Variants in CAMTA1 observed in about 807,000 individuals in gnomAD.
CAMTA1 encodes calmodulin-binding transcription activator 1.
Under a neutral mutation model 170.9 loss-of-function variants are expected in CAMTA1, and 27 were observed. The ratio of observed to expected loss-of-function variants is 0.16; its 90% confidence interval spans 0.12 to 0.22. The LOEUF (loss-of-function observed/expected upper bound fraction) is 0.22, where lower values mean the gene tolerates loss of function less well. Among genes scored for constraint, CAMTA1 ranks in the 10% least tolerant of loss-of-function variants. The pLI is 1.00. For missense variants in CAMTA1, 1,619 were observed against 2,217.2 expected, an observed-to-expected ratio of 0.73 and a Z score of 5.42; for synonymous variants, 833 against 891.5, an observed-to-expected ratio of 0.93 and a Z score of 1.17.
At chr1:7,335,773 A>C (rs372945813) in intron 5 of CAMTA1, among the ~76,000 whole-genome samples, 6 of 25,274 alleles carry the variant, frequency 2.4e-4, no homozygotes, top group Admixed American at 1.4e-3. Flanking sequence ...AGATAACGTT[A>C]AAAAAAAAAA....
intron 3 of CAMTA1, among the ~76,000 whole-genome samples, chr1:6,942,106 C>T (rs192994514): frequency 6.7e-6 from 1 of 149,640 alleles, no homozygotes; most frequent in Non-Finnish European, 1.5e-5. Context: ...TCTCATTTTA[C>T]AAATGGTTTT....
At chr1:7,047,806 G>C (rs541551400) in intron 3 of CAMTA1, among the ~76,000 whole-genome samples, 2 of 151,858 alleles carry the variant, frequency 1.3e-5, no homozygotes, top group East Asian at 3.9e-4. Flanking sequence ...GGTGATGGTG[G>C]TGGAGCGTCA....
chr1:6,855,192 C>CA (rs1661836112), intron 3 of CAMTA1, among the ~76,000 whole-genome samples: 1 of 151,986 alleles, frequency 6.6e-6, no homozygotes, highest in Non-Finnish European at 1.5e-5. Flanking sequence ...TATATGCCAA[C>CA]AACAAACACA....
chr1:6,952,066 T>G (rs1459218584), intron 3 of CAMTA1, among the ~76,000 whole-genome samples: 1 of 152,184 alleles, frequency 6.6e-6, no homozygotes, highest in Non-Finnish European at 1.5e-5. Context: ...CCACTGTGCC[T>G]TCTGTCAATG....
At chr1:7,310,700 C>CTCTCTCTCTCTTTCTTTCTT (rs1361709842) in intron 5 of CAMTA1, among the ~76,000 whole-genome samples, 6 of 53,486 alleles carry the variant, frequency 1.1e-4, no homozygotes, top group Non-Finnish European at 1.3e-4. Context: ...CTCTCTCTCT[C>CTCTCTCTCTCTTTCTTTCTT]TCTTTCTTTC....
At chr1:7,026,152 C>T (rs1015995082) in intron 3 of CAMTA1, among the ~76,000 whole-genome samples, 1 of 151,712 alleles carries the variant, frequency 6.6e-6, no homozygotes, top group African/African-American at 2.4e-5. Flanking sequence ...AAGATTTGGC[C>T]AAGAGCAGGA....
intron 4 of CAMTA1, among the ~76,000 whole-genome samples, chr1:7,184,156 C>T (rs1410254945): frequency 6.6e-6 from 1 of 152,062 alleles, no homozygotes; most frequent in African/African-American, 2.4e-5. Context: ...CATGTTCTTG[C>T]TTATTCATGG....
At chr1:7,349,187 GA>G (rs2084456890) in intron 5 of CAMTA1, among the ~76,000 whole-genome samples, 1 of 152,200 alleles carries the variant, frequency 6.6e-6, no homozygotes, top group African/African-American at 2.4e-5. Flanking sequence ...ATAATTAGAT[GA>G]AGCATCATTT....
intron 4 of CAMTA1, among the ~76,000 whole-genome samples, chr1:7,228,538 T>C (rs1370365159): frequency 6.6e-6 from 1 of 152,158 alleles, no homozygotes; most frequent in East Asian, 1.9e-4. Context: ...GGAGATACTT[T>C]TGGAGACTCT....
intron 3 of CAMTA1, among the ~76,000 whole-genome samples, chr1:7,088,309 C>T (rs1324303080): frequency 1.3e-5 from 2 of 151,984 alleles, no homozygotes; most frequent in Non-Finnish European, 1.5e-5. Context: ...CTTACATCAG[C>T]GTGATTTCCT....
At chr1:7,385,929 T>C (rs1014411171) in intron 5 of CAMTA1, among the ~76,000 whole-genome samples, 4 of 152,204 alleles carry the variant, frequency 2.6e-5, no homozygotes, top group Non-Finnish European at 5.9e-5. Flanking sequence ...CCTCACTCAC[T>C]CGCTCCTTCT....
chr1:7,641,844 C>A lies in CAMTA1; in HGVS notation c.664+1291C>A, dbSNP rs1023143051. 6.6e-6 allele frequency among the ~76,000 whole-genome samples: 1 copy of A among 152,114 alleles called. No individual in the cohort carries two copies. Among genetic ancestry groups the A allele is most frequent in the African/African-American group, 2.4e-5 (1 of 41,400 alleles). The stretch of plus-strand genomic sequence containing the variant: ...GAGCTCAGACCACACCCAGTGGCAA[C>A]CTTCTTAACTGCAGCCCTGACCACA... On this transcript the variant is annotated intron_variant, in intron 7 of 22. Transcript: ENST00000303635. This position sits in a 1 kb window ranked among gnomAD's most constrained non-coding sequence, Gnocchi z 4.5.
intron 6 of CAMTA1, among the ~76,000 whole-genome samples, chr1:7,598,992 T>C (rs2095421117): frequency 1.3e-5 from 2 of 152,208 alleles, no homozygotes; most frequent in Admixed American, 6.5e-5. Context: ...GCTTTTGGTG[T>C]TTTAGACATG....
chr1:7,569,702 T>A (rs1234507927), intron 6 of CAMTA1, among the ~76,000 whole-genome samples: 1 of 151,432 alleles, frequency 6.6e-6, no homozygotes, highest in Non-Finnish European at 1.5e-5. Context: ...AACATCACCA[T>A]CATCATCACC....
At chr1:7,739,878 A>C (rs937447758) in intron 16 of CAMTA1, among the ~76,000 whole-genome samples, 1 of 152,160 alleles carries the variant, frequency 6.6e-6, no homozygotes, top group African/African-American at 2.4e-5. Flanking sequence ...AACACATGGG[A>C]ATTATGGGAG....
intron 5 of CAMTA1, among the ~76,000 whole-genome samples, chr1:7,405,046 C>G (rs1036870100): frequency 1.3e-5 from 2 of 151,710 alleles, no homozygotes; most frequent in African/African-American, 4.8e-5. Context: ...ACCGATTGTG[C>G]CTGGTACTCA....
intron 6 of CAMTA1, among the ~76,000 whole-genome samples, chr1:7,483,187 G>A (rs775516229): frequency 1.4e-4 from 21 of 152,240 alleles, no homozygotes; most frequent in Non-Finnish European, 2.9e-4. Context: ...GGGAAAGAGA[G>A]GCATGAAGGA....
chr1:6,956,227 C>T (rs1689435971), intron 3 of CAMTA1, among the ~76,000 whole-genome samples: 1 of 152,182 alleles, frequency 6.6e-6, no homozygotes, highest in Non-Finnish European at 1.5e-5. Flanking sequence ...TATCAGCACC[C>T]TAGTTTCTAG....
intron 6 of CAMTA1, among the ~76,000 whole-genome samples, chr1:7,533,641 G>A (rs577797432): frequency 6.6e-6 from 1 of 152,222 alleles, no homozygotes; most frequent in African/African-American, 2.4e-5. Context: ...GGCCGGGCAC[G>A]GTGGCTCACG....
Sources: gnomAD v4.1 joint callset for allele counts (sites outside exome capture counted in the v4.1 genomes callset) on GRCh38, gnomAD v4.1.1 for gene constraint, Gnocchi (gnomAD v3.1) non-coding constraint, MANE v1.5 for transcripts, NCBI Gene and HGNC (gene_info 2026-07-23, HGNC 2026-07-21) for gene names.